Variants in MSTO1 observed in about 807,000 individuals in gnomAD.
MSTO1 encodes misato mitochondrial distribution and morphology regulator 1.
In MSTO1, 24 loss-of-function variants were observed where a neutral mutation model predicts 55.7. The ratio of observed to expected loss-of-function variants is 0.43; its 90% CI spans 0.31 to 0.61. MSTO1 has a LOEUF of 0.61. MSTO1 is among the 20% of genes least tolerant of loss of function. MSTO1 has a pLI of 0.09. For missense variants in MSTO1, 363 were observed against 625.7 expected, an observed-to-expected ratio of 0.58 and a Z score of 4.48; for synonymous variants, 162 against 252.8, an observed-to-expected ratio of 0.64 and a Z score of 3.41.
At chr1:155,591,035 G>A in the MSTO1 span, 1 of 1,613,892 alleles carries the variant, frequency 6.2e-7, no homozygotes, top group South Asian at 1.1e-5. Flanking sequence ...GCAGCCTGCA[G>A]GTCCTGTGGC....
chr1:155,614,964 TCC>T (rs1324031988), downstream of MSTO1: 232 of 880,606 alleles, frequency 2.6e-4, 1 homozygote, highest in East Asian at 5.6e-3. Flanking sequence ...TTTTGTTTAT[TCC>T]ACACAGCAAG....
chr1:155,599,196 A>AT, the MSTO1 span, among the ~76,000 whole-genome samples: 1 of 152,078 alleles, frequency 6.6e-6, no homozygotes, highest in African/African-American at 2.4e-5. Context: ...AAAAAAAAAA[A>AT]GAAAAGCCTT....
At chr1:155,591,230 G>A in the MSTO1 span, 12 of 1,610,162 alleles carry the variant, frequency 7.5e-6, no homozygotes, top group South Asian at 3.3e-5. Flanking sequence ...GTGTCAGGAC[G>A]ACTCCCAGGA....
chr1:155,578,101 T>A, the MSTO1 span, among the ~76,000 whole-genome samples: 4 of 151,938 alleles, frequency 2.6e-5, no homozygotes, highest in Admixed American at 1.3e-4. Context: ...AATATTTTTT[T>A]AAAAAAAGGA....
chr1:155,570,487 C>T, the MSTO1 span, among the ~76,000 whole-genome samples: 2 of 152,128 alleles, frequency 1.3e-5, no homozygotes, highest in Non-Finnish European at 2.9e-5. Flanking sequence ...TAAGATGATC[C>T]CCCTTCTTAG....
chr1:155,613,576 A>G lies in MSTO1; in HGVS notation c.1388+10A>G. On this transcript the variant is annotated intron_variant, in intron 12 of 13. Coordinates refer to ENST00000245564, the MANE Select transcript of MSTO1 (RefSeq NM_018116.4). ...AGCCTGGAGTCATGAGGTCAGTGTA[A>G]CGGTTGCTCCTGCCCTTCTTGCCAA... is the stretch of plus-strand genomic sequence containing the variant. The G allele has an allele frequency of 6.2e-7, 1 of 1,603,640 alleles. No individual in the cohort carries two copies.
chr1:155,613,987 T>G lies in MSTO1; in HGVS notation c.1499-72T>G, dbSNP rs1235880023. 4 of 1,603,408 alleles carry G rather than the reference T, an allele frequency of 2.5e-6. No homozygotes were observed. In the Admixed American group the frequency reaches 6.8e-5, roughly 27 times the overall value. On this transcript the variant is annotated intron_variant, in intron 13 of 13. Coordinates refer to ENST00000245564, the MANE Select transcript of MSTO1 (RefSeq NM_018116.4). ...TCAAGTCTACTAAGGTTGGACTTCCTTATCAGTTTGGCAGAGTCCCAGGGC... is the reference window on the plus strand; with the variant it reads ...TCAAGTCTACTAAGGTTGGACTTCCGTATCAGTTTGGCAGAGTCCCAGGGC...
the MSTO1 span, among the ~76,000 whole-genome samples, chr1:155,576,487 C>T: frequency 6.6e-6 from 1 of 151,606 alleles, no homozygotes; most frequent in East Asian, 2.0e-4. Context: ...CCACCACGCC[C>T]ATCTAAGTTT....
At chr1:155,575,015 C>T in the MSTO1 span, among the ~76,000 whole-genome samples, 2 of 151,872 alleles carry the variant, frequency 1.3e-5, no homozygotes, top group Non-Finnish European at 2.9e-5. Context: ...TACAGGCATG[C>T]GCCGCCATGC....
Position 155,612,286 on chromosome 1 carries a change from G to A in MSTO1, c.783G>A (p.Trp261Ter). ...DEYSGRGIIT[W>*]GLLPGPYHRG... ...ATTCAGGGCGGGGAATAATAACCTG[G>A]GGCCTGCTACCTGGTCCCTACCATC... is the stretch of plus-strand genomic sequence containing the variant. The change falls in exon 8 of 14, where the codon TGG becomes TGA. Residue 261 changes from tryptophan (W) to a stop codon, truncating the protein, a stop_gained. Transcript: ENST00000245564. LOFTEE classifies it high-confidence loss of function. The A allele has an allele frequency of 6.3e-7, 1 of 1,590,204 alleles. No individual in the cohort carries two copies. Among genetic ancestry groups the A allele is most frequent in the Non-Finnish European group, 8.6e-7 (1 of 1,166,760 alleles).
the MSTO1 span, among the ~76,000 whole-genome samples, chr1:155,569,469 G>A: frequency 2.6e-4 from 30 of 115,018 alleles, no homozygotes; most frequent in Non-Finnish European, 3.5e-4. Flanking sequence ...ACAGATTCTC[G>A]CACTGTCACC....
the MSTO1 span, among the ~76,000 whole-genome samples, chr1:155,584,944 G>A: frequency 1.3e-4 from 19 of 147,146 alleles, 1 homozygote; most frequent in East Asian, 4.1e-3. Flanking sequence ...TTGTTTGTTT[G>A]TGGAGGTGGT....
At chr1:155,594,462 G>A in the MSTO1 span, among the ~76,000 whole-genome samples, 1 of 152,114 alleles carries the variant, frequency 6.6e-6, no homozygotes, top group Non-Finnish European at 1.5e-5. Context: ...AGTAGAATGA[G>A]CAGAAGTATC....
At chr1:155,594,466 A>G in the MSTO1 span, among the ~76,000 whole-genome samples, 2 of 152,186 alleles carry the variant, frequency 1.3e-5, no homozygotes, top group Admixed American at 1.3e-4. Context: ...GAATGAGCAG[A>G]AGTATCGAAG....
the MSTO1 span, chr1:155,590,606 C>A: frequency 1.5e-6 from 2 of 1,325,802 alleles, no homozygotes; most frequent in Non-Finnish European, 2.1e-6. Context: ...CCATGTCAGA[C>A]GTAATTCTTG....
At chr1:155,571,044 GGC>G in the MSTO1 span, among the ~76,000 whole-genome samples, 1 of 152,188 alleles carries the variant, frequency 6.6e-6, no homozygotes, top group Non-Finnish European at 1.5e-5. Flanking sequence ...GACTGAGGTT[GGC>G]CGGACACAAT....
chr1:155,608,583 T>C (rs750070258), upstream of MSTO1, among the ~76,000 whole-genome samples: 1 of 144,112 alleles, frequency 6.9e-6, no homozygotes, highest in Non-Finnish European at 1.5e-5. Flanking sequence ...CACCGCAAGC[T>C]CCGCCTCCCG....
chr1:155,612,230 G>C lies in MSTO1; in HGVS notation c.727G>C (p.Ala243Pro), dbSNP rs1475082174. The C allele has an allele frequency of 1.2e-6, 2 of 1,606,324 alleles. No individual in the cohort carries two copies. Among genetic ancestry groups the C allele is most frequent in the Non-Finnish European group, 1.7e-6 (2 of 1,176,036 alleles). ...GCACGATGGCTTCTCTGGGGTAGGC[G>C]CGAAGGCGGCAGAGCTGCTACAAGA... ...DLHDGFSGVG[A>P]KAAELLQDEY... The change falls in exon 8 of 14, where the codon GCG (alanine) becomes CCG (proline). Residue 243 changes from alanine to proline, a missense_variant. This residue lies in a region of MSTO1 where 231 missense variants were observed against 286.9 expected (regional missense o/e 0.81). Coordinates refer to ENST00000245564, the MANE Select transcript of MSTO1 (RefSeq NM_018116.4).
chr1:155,612,157 T>A, intron 7 of MSTO1, 25 bp from the exon 8 acceptor site: 2 of 1,613,700 alleles, frequency 1.2e-6, no homozygotes, highest in Non-Finnish European at 1.7e-6. Context: ...CTGCTAACTA[T>A]CTTTTGTCAC....
Sources: allele counts gnomAD v4.1 joint callset (sites outside exome capture counted in the v4.1 genomes callset), GRCh38; gene constraint gnomAD v4.1.1; regional missense constraint gnomAD v4.1.1; transcripts MANE v1.5; gene names NCBI Gene and HGNC (gene_info 2026-07-23, HGNC 2026-07-21).